Variants in NID2 observed in about 807,000 individuals in gnomAD.
NID2 encodes nidogen-2.
NID2 carries 83 observed loss-of-function variants against 145.4 expected under a neutral mutation model. The ratio of observed to expected loss-of-function variants is 0.57; its 90% CI spans 0.48 to 0.69. NID2 has a LOEUF of 0.69. Ranked by LOEUF, NID2 falls within the 30% of genes least tolerant of loss-of-function variation. The pLI, the probability that NID2 is intolerant of heterozygous loss-of-function variation, is 0.00. For missense variants in NID2, 1,807 were observed against 1,765.7 expected (o/e 1.02, Z -0.42); for synonymous variants, 739 against 701.3 (o/e 1.05, Z -0.85).
chr14:52,032,909 T>G (rs1019048430), intron 9 of NID2, among the ~76,000 whole-genome samples: 3 of 152,148 alleles, frequency 2.0e-5, no homozygotes, highest in African/African-American at 7.2e-5. Flanking sequence ...CAATACTGAT[T>G]TAAAATGTAT....
In NID2 at chr14:52,014,446, G is replaced by A. The variant is rs201129601; in HGVS notation, c.3261C>T (p.Thr1087=). 108 of 1,609,864 alleles carry A rather than the reference G, an allele frequency of 6.7e-5. No individual in the cohort carries two copies. Among genetic ancestry groups the A allele is most frequent in the South Asian group, 5.5e-5 (5 of 90,626 alleles). Residue 1087 remains threonine, a synonymous_variant, in exon 16 of 22, where the codon ACC becomes ACT. Transcript: ENST00000216286. ...TGGGCCGGACCATGGGTGGAGCGAC[G>A]GTGGGTATACCTGTGGGAGAGAGGG... The part of the protein sequence containing the change: ...QPGTTPACIP[T]VAPPMVRPTP...
In NID2 at chr14:52,015,249, A is replaced by T. The variant is rs752240366; in HGVS notation, c.3055T>A (p.Cys1019Ser). ...PEPTQRPPTI[C>S]ERWRENLLEH... is the part of the protein sequence containing the mutation. ...AGCAGGTTTTCCCTCCAGCGCTCACAGATGGTCGGGGGCCTCTGGGTGGGC... is the reference window on the plus strand; with the variant it reads ...AGCAGGTTTTCCCTCCAGCGCTCACTGATGGTCGGGGGCCTCTGGGTGGGC... The change falls in exon 15 of 22, where the codon TGT becomes AGT. Residue 1019 changes from cysteine to serine, a missense_variant. Physicochemically the swap from Cys to Ser is moderately radical, Grantham distance 112. Transcript: ENST00000216286. 6 of 1,612,668 alleles carry T rather than the reference A, an allele frequency of 3.7e-6. No homozygotes were observed.
At chr14:52,019,920 T>C in intron 13 of NID2, 139 bp downstream of exon 13, 3 of 1,198,480 alleles carry the variant, frequency 2.5e-6, no homozygotes, top group Non-Finnish European at 3.5e-6. Context: ...CAGCAGGAGG[T>C]AACCAAGGAA....
chr14:52,046,455 G>C (rs1892499174), intron 5 of NID2, among the ~76,000 whole-genome samples: 1 of 152,118 alleles, frequency 6.6e-6, no homozygotes. Flanking sequence ...ATTTTGTGAA[G>C]CCTTATTCTG....
chr14:52,030,288 A>T (rs1028874348), intron 9 of NID2, among the ~76,000 whole-genome samples: 1 of 152,130 alleles, frequency 6.6e-6, no homozygotes, highest in African/African-American at 2.4e-5. Context: ...TAGCCTTACC[A>T]AGGATCCATC....
intron 2 of NID2, among the ~76,000 whole-genome samples, chr14:52,064,220 T>G (rs568040229): frequency 1.3e-5 from 2 of 152,358 alleles, no homozygotes; most frequent in South Asian, 4.1e-4. Context: ...TCCACCCAGA[T>G]GGAGGCCTCC....
chr14:52,060,883 A>C (rs904854192), intron 2 of NID2, among the ~76,000 whole-genome samples: 2 of 151,894 alleles, frequency 1.3e-5, no homozygotes, highest in African/African-American at 4.8e-5. Flanking sequence ...TCACAGCATC[A>C]CTCTCTTTCC....
At chr14:52,059,340 T>C (rs866889004) in intron 3 of NID2, among the ~76,000 whole-genome samples, 1 of 152,178 alleles carries the variant, frequency 6.6e-6, no homozygotes, top group Non-Finnish European at 1.5e-5. Flanking sequence ...ATTGATTTAA[T>C]GAAGTCAAGA....
intron 12 of NID2, among the ~76,000 whole-genome samples, chr14:52,025,151 C>T (rs1161835761): frequency 6.6e-6 from 1 of 152,188 alleles, no homozygotes; most frequent in East Asian, 1.9e-4. Flanking sequence ...TTAAACCAAA[C>T]AAACGATGTG....
chr14:52,036,252 A>C (rs1892066123), intron 9 of NID2, among the ~76,000 whole-genome samples: 1 of 152,194 alleles, frequency 6.6e-6, no homozygotes, highest in South Asian at 2.1e-4. Context: ...GATATTTCAC[A>C]TAATTGTAAC....
chr14:52,059,497 G>A (rs184744072), intron 3 of NID2, among the ~76,000 whole-genome samples: 2 of 152,276 alleles, frequency 1.3e-5, no homozygotes, highest in East Asian at 3.9e-4. Flanking sequence ...GGCACTATCT[G>A]TACTGGCAAA....
intron 14 of NID2, among the ~76,000 whole-genome samples, chr14:52,016,497 C>G (rs1891216893): frequency 1.3e-5 from 2 of 152,124 alleles, no homozygotes; most frequent in African/African-American, 4.8e-5. Flanking sequence ...CCTAATTATC[C>G]TTGACCCTCC....
intron 9 of NID2, among the ~76,000 whole-genome samples, chr14:52,035,093 G>A (rs1892006891): frequency 6.6e-6 from 1 of 152,140 alleles, no homozygotes; most frequent in Admixed American, 6.5e-5. Context: ...TGGTGCATTT[G>A]TTATCCCCAA....
At chr14:52,028,604 T>C (rs1949792611) in intron 11 of NID2, 118 bp downstream of exon 11, 13 of 1,190,466 alleles carry the variant, frequency 1.1e-5, no homozygotes, top group Middle Eastern at 4.0e-4. Flanking sequence ...TAAACTGTCT[T>C]CTTAAGAAAA....
At chr14:52,020,339 G>A in intron 12 of NID2, 161 bp from the exon 13 acceptor site, 1 of 1,207,624 alleles carries the variant, frequency 8.3e-7, no homozygotes, top group East Asian at 2.8e-5. Context: ...ACACCTAAAG[G>A]TAAGCTTAAT....
chr14:52,041,142 A>T (rs1388929487), intron 7 of NID2, among the ~76,000 whole-genome samples: 3 of 151,790 alleles, frequency 2.0e-5, no homozygotes, highest in African/African-American at 7.3e-5. Context: ...AGGTTGCTAG[A>T]CTTAGCAAAA....
At chr14:52,011,505 G>A (rs1468424731) in intron 17 of NID2, 49 bp downstream of exon 17, 4 of 1,611,432 alleles carry the variant, frequency 2.5e-6, no homozygotes, top group South Asian at 1.1e-5. Flanking sequence ...GTAGACAAGT[G>A]ACTTTGTAGA....
Position 52,019,173 on chromosome 14 carries a change from T to C in NID2, c.2916A>G (p.Leu972=). The C allele has an allele frequency of 6.2e-7, 1 of 1,614,082 alleles. No homozygotes were observed. Among genetic ancestry groups the C allele is most frequent in the East Asian group, 2.2e-5 (1 of 44,872 alleles). ...QCDEQGNFLP[L]QCHGSTGFCW... is the part of the protein sequence containing the mutation. The stretch of plus-strand genomic sequence containing the variant: ...AGAAACCAGTGCTGCCATGACACTG[T>C]AGGGGCAGGAAGTTGCCCTGCTCGT... Residue 972 remains leucine, a synonymous_variant, in exon 14 of 22, where the codon CTA becomes CTG. Coordinates refer to ENST00000216286, the MANE Select transcript of NID2 (RefSeq NM_007361.4).
intron 9 of NID2, among the ~76,000 whole-genome samples, chr14:52,030,470 T>G (rs543339056): frequency 1.6e-4 from 4 of 25,050 alleles, no homozygotes; most frequent in African/African-American, 2.1e-4. Context: ...AGACCTTATC[T>G]CGAGAGAAAG....
Sources: gnomAD v4.1 joint callset for allele counts (sites outside exome capture counted in the v4.1 genomes callset) on GRCh38, gnomAD v4.1.1 for gene constraint, MANE v1.5 for transcripts, NCBI Gene and HGNC (gene_info 2026-07-23, HGNC 2026-07-21) for gene names.